Variants in APBA2 observed in about 807,000 individuals in gnomAD.
APBA2 encodes amyloid beta precursor protein binding family A member 2, also known as amyloid-beta A4 precursor protein-binding family A member 2.
Under a neutral mutation model 75.0 loss-of-function variants are expected in APBA2, and 30 were observed. The observed-to-expected ratio is 0.40, with a 90% CI of 0.30 to 0.54. The LOEUF is 0.54. APBA2 is among the 20% of genes least tolerant of loss of function. APBA2 has a pLI of 0.49. For synonymous variants in APBA2, 444 were observed against 409.6 expected (o/e 1.08, Z -1.01); for missense variants, 801 against 1,016.1 (o/e 0.79, Z 2.88).
At chr15:28,977,377 T>G (rs2037393893) in intron 2 of APBA2, 2 of 152,168 alleles carry the variant, frequency 1.3e-5, no homozygotes, top group Admixed American at 1.3e-4. Context: ...GGCTTCAACC[T>G]CTGAATTTGG....
chr15:28,987,269 G>A (rs1004874586), intron 2 of APBA2, among the ~76,000 whole-genome samples: 3 of 152,176 alleles, frequency 2.0e-5, no homozygotes, highest in Non-Finnish European at 2.9e-5. Context: ...CCAACACTTA[G>A]TGGTATAAAA....
At chr15:28,951,840 C>A (rs1186660110) in intron 2 of APBA2, among the ~76,000 whole-genome samples, 1 of 150,854 alleles carries the variant, frequency 6.6e-6, no homozygotes. Flanking sequence ...CTTGGCCTCC[C>A]AAAGTGCTGG....
In APBA2 at chr15:29,016,276, G is replaced by A. The variant is rs543026693; in HGVS notation, c.-41+20470G>A. On this transcript the variant is annotated intron_variant, in intron 3 of 14. Transcript: ENST00000683413. Reference sequence around the variant, plus strand: ...GTCTCAAAAAACAAACAAACAAGCAGACAAACAAACATATCTACCTCTGGT... The same window carrying A: ...GTCTCAAAAAACAAACAAACAAGCAAACAAACAAACATATCTACCTCTGGT... Among the ~76,000 whole-genome samples the A allele has an allele frequency of 7.4e-4, 113 of 152,256 alleles. 2 individuals are homozygous for A. In the South Asian group the frequency reaches 0.021, roughly 28 times the overall value.
intron 2 of APBA2, among the ~76,000 whole-genome samples, chr15:28,936,718 T>C (rs12441379): frequency 0.11 from 17,238 of 152,084 alleles, 1,939 homozygotes; most frequent in East Asian, 0.34. Context: ...CTGTGCCACC[T>C]GGGGACAGGC....
At position 28,890,778 on chromosome 15, in the gene APBA2, A is replaced by G. The variant is rs145758687; in HGVS notation, c.-205+4500A>G. Among the ~76,000 whole-genome samples the G allele has an allele frequency of 7.3e-4, 111 of 152,310 alleles. 2 individuals carry two copies. In the East Asian group the frequency reaches 0.02, roughly 27 times the overall value. ...GCGGTTGTTTTGAGGCACAAATGAG[A>G]TGCAATATTTAACTGATGCAAGATA... On this transcript the variant is annotated intron_variant, in intron 1 of 14. Transcript: ENST00000683413.
At chr15:29,115,797 C>G (rs2045069373) in intron 14 of APBA2, among the ~76,000 whole-genome samples, 1 of 152,198 alleles carries the variant, frequency 6.6e-6, no homozygotes, top group South Asian at 2.1e-4. Flanking sequence ...CCACACAGAT[C>G]CCGGCGGGGG....
At chr15:28,911,129 T>C (rs1269516607) in intron 1 of APBA2, among the ~76,000 whole-genome samples, 1 of 152,212 alleles carries the variant, frequency 6.6e-6, no homozygotes, top group Non-Finnish European at 1.5e-5. Context: ...TTTGACTTCC[T>C]GTAAGTACCT....
chr15:29,017,022 G>A (rs2039695611), intron 3 of APBA2, among the ~76,000 whole-genome samples: 1 of 152,176 alleles, frequency 6.6e-6, no homozygotes, highest in South Asian at 2.1e-4. Context: ...CAATAATGAT[G>A]ACAGGCAGGC....
intron 4 of APBA2, among the ~76,000 whole-genome samples, chr15:29,061,624 C>T (rs1403287888): frequency 2.0e-5 from 3 of 152,232 alleles, no homozygotes; most frequent in Non-Finnish European, 4.4e-5. Context: ...AATTGTGCAT[C>T]ATTGCTCATT....
intron 3 of APBA2, among the ~76,000 whole-genome samples, chr15:29,011,329 T>C (rs2152815371): frequency 6.6e-6 from 1 of 152,316 alleles, no homozygotes; most frequent in South Asian, 2.1e-4. Flanking sequence ...TTTGGATACG[T>C]TGTATTTTTA....
At position 28,921,312 on chromosome 15, in the gene APBA2, C is replaced by T. The variant is rs1303785961; in HGVS notation, c.-204-328C>T. On this transcript the variant is annotated intron_variant, in intron 1 of 14. Transcript: ENST00000683413. ...CCTACATTGAAAAATGTACTCCCCA[C>T]AAGCTTAGCATGCAGCTCTGCTACC... Among the ~76,000 whole-genome samples, 3 of 152,242 alleles carry T rather than the reference C, an allele frequency of 2.0e-5. No individual in the cohort carries two copies. The South Asian group carries it at 6.2e-4, about 31-fold the overall frequency.
At chr15:29,001,967 G>T (rs931144473) in intron 3 of APBA2, among the ~76,000 whole-genome samples, 1 of 152,156 alleles carries the variant, frequency 6.6e-6, no homozygotes, top group Non-Finnish European at 1.5e-5. Context: ...AATGACATTA[G>T]TGTGCAAGCT....
chr15:29,093,202 G>A lies in APBA2; in HGVS notation c.1197G>A (p.Glu399=). 1.2e-6 allele frequency: 2 copies of A among 1,614,248 alleles called. No homozygotes were observed. The highest frequency in any genetic ancestry group is 1.7e-6 in the Non-Finnish European group (2 of 1,180,052). The change falls in exon 7 of 15, where the codon GAG becomes GAA. Residue 399 remains glutamate (E), a synonymous_variant. Coordinates refer to ENST00000683413, the MANE Select transcript of APBA2 (RefSeq NM_001353788.2). ...ACATCAGAATGATGCAAGCGCAGGA[G>A]GCCGTCAGCCGGGTCAAGGTAGAGG... ...SKNIRMMQAQ[E]AVSRVKRMQK...
At chr15:29,011,285 C>T (rs1247477715) in intron 3 of APBA2, among the ~76,000 whole-genome samples, 3 of 152,186 alleles carry the variant, frequency 2.0e-5, no homozygotes, top group African/African-American at 4.8e-5. Flanking sequence ...ATGAATAGTG[C>T]TGCTGTGAAC....
intron 1 of APBA2, among the ~76,000 whole-genome samples, chr15:28,920,035 G>A (rs1041642126): frequency 6.6e-6 from 1 of 152,180 alleles, no homozygotes; most frequent in African/African-American, 2.4e-5. Context: ...CTTTAAGGCT[G>A]CTTTTGAGGG....
At chr15:29,074,247 C>G (rs1488438636) in intron 4 of APBA2, among the ~76,000 whole-genome samples, 1 of 152,148 alleles carries the variant, frequency 6.6e-6, no homozygotes, top group Non-Finnish European at 1.5e-5. Flanking sequence ...ACCCAAGTGT[C>G]CATCAATAGA....
chr15:29,024,988 G>T (rs1212341941), intron 3 of APBA2, among the ~76,000 whole-genome samples: 1 of 152,160 alleles, frequency 6.6e-6, no homozygotes, highest in Non-Finnish European at 1.5e-5. Context: ...GGAGGAGGAA[G>T]GGGTATTTGC....
intron 2 of APBA2, among the ~76,000 whole-genome samples, chr15:28,939,948 G>A (rs2035098366): frequency 6.6e-6 from 1 of 152,228 alleles, no homozygotes; most frequent in Admixed American, 6.5e-5. Context: ...AGGGGCAAGT[G>A]TAGTGTACGT....
rs112965425 is a variant in APBA2 at position 29,054,145 on chromosome 15, C to T, written c.261C>T (p.Asp87=). 2.2e-3 allele frequency: 3,528 copies of T among 1,614,188 alleles called. 77 individuals are homozygous for T. The African/African-American group carries it at 0.042, about 19-fold the overall frequency. The change falls in exon 4 of 15, where the codon GAC becomes GAT. Residue 87 remains aspartate, a synonymous_variant. Transcript: ENST00000683413. This position sits in a 1 kb window ranked among gnomAD's most constrained non-coding sequence, Gnocchi z 6.1. ...VNNTSEEEDY[D]EGLPEEEEGI... ...ACACCTCTGAGGAGGAGGACTATGA[C>T]GAGGGCCTCCCTGAGGAGGAGGAGG...
Sources: allele counts gnomAD v4.1 joint callset (sites outside exome capture counted in the v4.1 genomes callset), GRCh38; gene constraint gnomAD v4.1.1; non-coding constraint Gnocchi (gnomAD v3.1); transcripts MANE v1.5; gene names NCBI Gene and HGNC (gene_info 2026-07-23, HGNC 2026-07-21).